Variants in ACSM2A observed in about 807,000 individuals in gnomAD.
ACSM2A encodes acyl-CoA synthetase medium chain family member 2A.
ACSM2A carries 72 observed loss-of-function variants against 76.6 expected under a neutral mutation model. The observed-to-expected ratio is 0.94, with a 90% confidence interval of 0.78 to 1.14. The LOEUF is 1.14. Among genes scored for constraint, ACSM2A ranks in the 50% most tolerant of loss-of-function variants. The pLI is 0.00. For synonymous variants in ACSM2A, 249 were observed against 255.9 expected (o/e 0.97, Z 0.26); for missense variants, 684 against 708.5 (o/e 0.97, Z 0.39).
chr16:20,464,305 C>T (rs2012827595), intron 2 of ACSM2A, among the ~76,000 whole-genome samples: 1 of 152,104 alleles, frequency 6.6e-6, no homozygotes, highest in African/African-American at 2.4e-5. Context: ...ACTTCTGGTA[C>T]CAATTTTCGG....
Position 20,471,183 on chromosome 16 carries a change from C to T in ACSM2A, c.707C>T (p.Ser236Leu), listed in dbSNP as rs142316126. The T allele has an allele frequency of 1.9e-5, 31 of 1,611,548 alleles. No individual in the cohort carries two copies. The highest frequency in any genetic ancestry group is 5.3e-5 in the African/African-American group (4 of 74,866). Residue 236 changes from serine to leucine, a missense_variant, in exon 5 of 14, where the codon TCG (serine) becomes TTG (leucine). Physicochemically the swap from Ser to Leu is moderately radical, Grantham distance 145. Coordinates refer to ENST00000573854, the MANE Select transcript of ACSM2A (RefSeq NM_001308172.2). ...GLPKMAEHSY[S>L]SLGLKAKMDA... Reference sequence around the variant, plus strand: ...CCCAAGATGGCAGAACATTCCTACTCGAGCCTGGGCCTCAAGGCCAAGATG... The same window carrying T: ...CCCAAGATGGCAGAACATTCCTACTTGAGCCTGGGCCTCAAGGCCAAGATG...
chr16:20,459,548 C>G (rs1302653495), intron 1 of ACSM2A, among the ~76,000 whole-genome samples: 1 of 152,092 alleles, frequency 6.6e-6, no homozygotes, highest in Non-Finnish European at 1.5e-5. Flanking sequence ...GTTCTGGGTC[C>G]CAGTCTGAAG....
intron 1 of ACSM2A, among the ~76,000 whole-genome samples, chr16:20,459,186 G>T (rs952391191): frequency 3.3e-5 from 5 of 151,910 alleles, no homozygotes; most frequent in Non-Finnish European, 5.9e-5. Context: ...AGGGTACAAA[G>T]TGGGTTAAGT....
rs754250492 is a variant in ACSM2A at position 20,469,547 on chromosome 16, T to C, written c.424T>C (p.Ser142Pro). 2.5e-6 allele frequency: 4 copies of C among 1,613,522 alleles called. No homozygotes were observed. Among genetic ancestry groups the C allele is most frequent in the Non-Finnish European group, 3.4e-6 (4 of 1,179,534 alleles). Reference protein sequence around the residue: ...IFMPGTIQMKSTDILYRLQMS... With the variant: ...IFMPGTIQMKPTDILYRLQMS... ...TATGCCTGGAACCATCCAGATGAAATCCACTGACATACTGTATAGGTTGCA... is the reference window on the plus strand; with the variant it reads ...TATGCCTGGAACCATCCAGATGAAACCCACTGACATACTGTATAGGTTGCA... The change falls in exon 4 of 14, where the codon TCC becomes CCC. Residue 142 changes from serine to proline, a missense_variant. Physicochemically the swap from Ser to Pro is moderately conservative, Grantham distance 74 (BLOSUM62 -1). Coordinates refer to ENST00000573854, the MANE Select transcript of ACSM2A (RefSeq NM_001308172.2).
Position 20,486,745 on chromosome 16 carries a change from C to G in ACSM2A, c.*67C>G, listed in dbSNP as rs963076677. 2 of 1,567,456 alleles carry G rather than the reference C, an allele frequency of 1.3e-6. No individual in the cohort carries two copies. The highest frequency in any genetic ancestry group is 1.7e-5 in the Admixed American group (1 of 59,080). On this transcript the variant is annotated 3_prime_UTR_variant, in exon 14 of 14. Coordinates refer to ENST00000573854, the MANE Select transcript of ACSM2A (RefSeq NM_001308172.2). The stretch of plus-strand genomic sequence containing the variant: ...CTTTCTTTTCCCTTTGGGCCCTTGG[C>G]CTTCCTATGATTATATGAGATTCTT...
intron 10 of ACSM2A, among the ~76,000 whole-genome samples, chr16:20,479,918 C>G (rs562957116): frequency 6.6e-6 from 1 of 152,260 alleles, no homozygotes; most frequent in South Asian, 2.1e-4. Context: ...CATCAGTATC[C>G]CTATATTCCC....
Position 20,460,114 on chromosome 16 carries a change from T to C in ACSM2A, c.-1T>C, listed in dbSNP as rs776498083. ...CTCTTCTTTCTTTTACAGGCCTGAA[T>C]ATGCATTGGCTGCGAAAAGTTCAGG... On this transcript the variant is annotated 5_prime_UTR_variant, in exon 2 of 14. Coordinates refer to ENST00000573854, the MANE Select transcript of ACSM2A (RefSeq NM_001308172.2). 2.4e-5 allele frequency: 38 copies of C among 1,610,638 alleles called. No homozygotes were observed. Among genetic ancestry groups the C allele is most frequent in the Admixed American group, 1.0e-4 (6 of 59,784 alleles).
chr16:20,483,356 G>T (rs1776226226), intron 13 of ACSM2A, among the ~76,000 whole-genome samples, 179 bp downstream of exon 13: 1 of 151,036 alleles, frequency 6.6e-6, no homozygotes, highest in Admixed American at 6.6e-5. Context: ...GATCACCTGA[G>T]GTCAGGAGTT....
intron 13 of ACSM2A, among the ~76,000 whole-genome samples, 185 bp downstream of exon 13, chr16:20,483,362 G>C (rs992143438): frequency 1.2e-4 from 18 of 150,100 alleles, no homozygotes; most frequent in Non-Finnish European, 2.4e-4. Context: ...CTGAGGTCAG[G>C]AGTTCAAGAT....
chr16:20,486,628 A>G lies in ACSM2A; in HGVS notation c.1684A>G (p.Lys562Glu), dbSNP rs2014395088. 1.2e-6 allele frequency: 2 copies of G among 1,614,080 alleles called. No individual in the cohort carries two copies. Among genetic ancestry groups the G allele is most frequent in the African/African-American group, 1.3e-5 (1 of 74,918 alleles). Reference sequence around the variant, plus strand: ...TGTCACAGGGAAAATTCAACGAGCCAAGCTTCGAGACAAGGAGTGGAAGAT... The same window carrying G: ...TGTCACAGGGAAAATTCAACGAGCCGAGCTTCGAGACAAGGAGTGGAAGAT... The part of the protein sequence containing the change: ...KTVTGKIQRA[K>E]LRDKEWKMSG... The change falls in exon 14 of 14, where the codon AAG (lysine) becomes GAG (glutamate). Residue 562 changes from lysine to glutamate, a missense_variant. Lys to Glu is a moderately conservative substitution (Grantham distance 56). Coordinates refer to ENST00000573854, the MANE Select transcript of ACSM2A (RefSeq NM_001308172.2).
intron 5 of ACSM2A, 71 bp from the exon 6 acceptor site, chr16:20,471,465 A>G: frequency 2.6e-6 from 4 of 1,543,094 alleles, no homozygotes; most frequent in Non-Finnish European, 3.5e-6. Flanking sequence ...TTCCTCCCCT[A>G]CACCTTAGTG....
rs1395173134 is a variant in ACSM2A at position 20,465,669 on chromosome 16, A to T, written c.330A>T (p.Ala110=). 1 of 1,613,976 alleles carries T rather than the reference A, an allele frequency of 6.2e-7. No homozygotes were observed. Among genetic ancestry groups the T allele is most frequent in the Admixed American group, 1.7e-5 (1 of 60,016 alleles). ...GCCTGCAGCGTGGGGATCGTGTGGC[A>T]GTGGTGCTGCCCCGAGTGCCTGAGT... ...ACGLQRGDRV[A]VVLPRVPEWW... is the part of the protein sequence containing the mutation. The change falls in exon 3 of 14, where the codon GCA becomes GCT. Residue 110 remains alanine (A), a synonymous_variant. Coordinates refer to ENST00000573854, the MANE Select transcript of ACSM2A (RefSeq NM_001308172.2).
intron 13 of ACSM2A, among the ~76,000 whole-genome samples, chr16:20,485,498 G>C (rs1203918209): frequency 2.0e-5 from 3 of 152,198 alleles, no homozygotes; most frequent in African/African-American, 4.8e-5. Context: ...GGCCCAAATA[G>C]TAAATATTTT....
chr16:20,486,422 C>T, intron 13 of ACSM2A, 152 bp from the exon 14 acceptor site: 2 of 761,576 alleles, frequency 2.6e-6, no homozygotes, highest in South Asian at 3.5e-5. Flanking sequence ...GTCCTCATCC[C>T]AGAGCACTTT....
At chr16:20,472,512 C>A (rs1362909705) in intron 6 of ACSM2A, among the ~76,000 whole-genome samples, 1 of 152,112 alleles carries the variant, frequency 6.6e-6, no homozygotes, top group Non-Finnish European at 1.5e-5. Context: ...AGGGTTAGAG[C>A]TTTAATATAG....
chr16:20,453,845 C>T (rs2011940817), intron 1 of ACSM2A: 1 of 129,754 alleles, frequency 7.7e-6, no homozygotes, highest in Non-Finnish European at 1.6e-5. Flanking sequence ...TGAAATACGC[C>T]CTGGTGTCCT....
In ACSM2A at chr16:20,480,880, G is replaced by C; in HGVS notation, c.1468G>C (p.Glu490Gln). 2 of 1,613,954 alleles carry C rather than the reference G, an allele frequency of 1.2e-6. No individual in the cohort carries two copies. Among genetic ancestry groups the C allele is most frequent in the South Asian group, 2.2e-5 (2 of 91,070 alleles). Residue 490 changes from glutamate (E) to glutamine (Q), a missense_variant, in exon 12 of 14, where the codon GAG (glutamate) becomes CAG (glutamine). Glu to Gln is a conservative substitution (Grantham distance 29). Coordinates refer to ENST00000573854, the MANE Select transcript of ACSM2A (RefSeq NM_001308172.2). Reference protein sequence around the residue: ...NALMEHPAVVETAVISSPDPV... With the variant: ...NALMEHPAVVQTAVISSPDPV... ...ACTGATGGAGCACCCTGCTGTGGTT[G>C]AGACGGCTGTGATCAGCAGCCCAGA...
Position 20,476,279 on chromosome 16 carries a change from A to G in ACSM2A, c.1098+506A>G, listed in dbSNP as rs1471847082. On this transcript the variant is annotated intron_variant, in intron 8 of 13. Coordinates refer to ENST00000573854, the MANE Select transcript of ACSM2A (RefSeq NM_001308172.2). Reference sequence around the variant, plus strand: ...GAACTCTTGAGGTCTCATGTGCACAATGTGGATTTATGCTATTCTATACTA... The same window carrying G: ...GAACTCTTGAGGTCTCATGTGCACAGTGTGGATTTATGCTATTCTATACTA... 5.1e-6 allele frequency: 5 copies of G among 984,670 alleles called. No homozygotes were observed. In the South Asian group the frequency reaches 2.3e-4, roughly 45 times the overall value. The allele number at this position is 984,670 out of a possible 1,614,324, so 61.0% of individuals were successfully genotyped here.
At chr16:20,474,426 G>C (rs534741949) in intron 6 of ACSM2A, among the ~76,000 whole-genome samples, 146 of 152,188 alleles carry the variant, frequency 9.6e-4, no homozygotes, top group African/African-American at 2.9e-3. Context: ...ACAATGTGAT[G>C]CCCCGACCCT....
Sources: gnomAD v4.1 joint callset for allele counts (sites outside exome capture counted in the v4.1 genomes callset) on GRCh38, gnomAD v4.1.1 for gene constraint, MANE v1.5 for transcripts, NCBI Gene and HGNC (gene_info 2026-07-23, HGNC 2026-07-21) for gene names.